The following TESK2 variants were observed in gnomAD, a reference collection of about 807,000 sequenced individuals.
TESK2 encodes the protein testis associated actin remodelling kinase 2.
Under a neutral mutation model 57.1 loss-of-function variants are expected in TESK2, and 39 were observed. The observed-to-expected ratio is 0.68, with a 90% CI of 0.53 to 0.89. The LOEUF (loss-of-function observed/expected upper bound fraction) is 0.89. TESK2 is among the 40% of genes least tolerant of loss of function. TESK2 has a pLI of 0.00. For synonymous variants in TESK2, 249 were observed against 267.9 expected, an observed-to-expected ratio of 0.93 and a Z score of 0.69; for missense variants, 646 against 732.1, an observed-to-expected ratio of 0.88 and a Z score of 1.36.
intron 4 of TESK2, among the ~76,000 whole-genome samples, chr1:45,357,196 CATAAATAAATAAATAAATAA>C (rs59019267): frequency 2.3e-4 from 32 of 141,140 alleles, no homozygotes; most frequent in South Asian, 9.4e-4. Context: ...AACTCCATCT[CATAAATAAATAAATAAATAA>C]ATAAATAAAT....
At chr1:45,483,768 T>C (rs866257244) in intron 1 of TESK2, among the ~76,000 whole-genome samples, 2 of 149,400 alleles carry the variant, frequency 1.3e-5, no homozygotes, top group African/African-American at 2.5e-5. Context: ...GAGGCTGAAA[T>C]GGGAGGAGTG....
chr1:45,468,286 G>A (rs1485249796), intron 1 of TESK2, among the ~76,000 whole-genome samples: 1 of 152,122 alleles, frequency 6.6e-6, no homozygotes, highest in East Asian at 1.9e-4. Flanking sequence ...TGAGTGGTAA[G>A]AAGTAGAGTC....
intron 2 of TESK2, among the ~76,000 whole-genome samples, chr1:45,433,721 C>T (rs1651075062): frequency 6.6e-6 from 1 of 152,084 alleles, no homozygotes. Context: ...ATATTTGCTA[C>T]TGTGAATAGT....
chr1:45,409,134 T>A (rs1213949570), intron 3 of TESK2, among the ~76,000 whole-genome samples: 1 of 152,166 alleles, frequency 6.6e-6, no homozygotes, highest in Non-Finnish European at 1.5e-5. Context: ...ACAAATACAG[T>A]GGTGAAAAAG....
rs769758182 is a variant in TESK2, at chr1:45,345,455, G to C, written c.1101C>G (p.Ser367Arg). ...GCTTACGGGAAAAGATATCTGACTG[G>C]CTTCGAGACAGCCAGATGGTACGTC... ...CPRRTIWLSR[S>R]QSDIFSRKPP... The change falls in exon 11 of 11, where the codon AGC becomes AGG. Residue 367 changes from serine to arginine, a missense_variant. Transcript: ENST00000372086. 1 of 1,614,112 alleles carries C rather than the reference G, an allele frequency of 6.2e-7. No individual in the cohort carries two copies. Among genetic ancestry groups the C allele is most frequent in the Admixed American group, 1.7e-5 (1 of 60,004 alleles).
At chr1:45,437,247 C>A (rs1651270285) in intron 2 of TESK2, among the ~76,000 whole-genome samples, 1 of 152,072 alleles carries the variant, frequency 6.6e-6, no homozygotes, top group Non-Finnish European at 1.5e-5. Context: ...TAGCGTTTTG[C>A]AGTTCTTCTT....
chr1:45,390,013 T>A (rs972406483), intron 3 of TESK2, among the ~76,000 whole-genome samples: 44 of 152,224 alleles, frequency 2.9e-4, no homozygotes, highest in African/African-American at 1.0e-3. Context: ...CTTCCCATGA[T>A]CCACTCCAAC....
chr1:45,478,886 G>A (rs1490464903), intron 1 of TESK2, among the ~76,000 whole-genome samples: 2 of 151,980 alleles, frequency 1.3e-5, no homozygotes, highest in Non-Finnish European at 2.9e-5. Flanking sequence ...ACCATGCCCA[G>A]CTAATTTTTG....
chr1:45,401,041 A>G (rs553876592), intron 3 of TESK2, among the ~76,000 whole-genome samples: 1 of 151,158 alleles, frequency 6.6e-6, no homozygotes, highest in African/African-American at 2.4e-5. Flanking sequence ...AAAAAAAAAA[A>G]AAGAAGTGAA....
At chr1:45,442,639 G>A (rs893783321) in intron 2 of TESK2, among the ~76,000 whole-genome samples, 2 of 152,198 alleles carry the variant, frequency 1.3e-5, no homozygotes, top group Admixed American at 6.5e-5. Context: ...CGCTGCAGCT[G>A]AAAAGCTTTT....
At chr1:45,415,362 T>C in intron 3 of TESK2, 1 of 981,924 alleles carries the variant, frequency 1.0e-6, no homozygotes, top group Admixed American at 1.7e-5. Flanking sequence ...GACTTGTGTT[T>C]TATTTTAACC....
chr1:45,462,671 G>T (rs1207840858), intron 1 of TESK2, among the ~76,000 whole-genome samples: 1 of 152,076 alleles, frequency 6.6e-6, no homozygotes, highest in Admixed American at 6.6e-5. Flanking sequence ...TCCAAATCTT[G>T]GCTATTGTAA....
rs372388070 is a variant in TESK2 at position 45,421,786 on chromosome 1, G to A, written c.283C>T (p.Arg95Trp). 479 of 1,613,878 alleles carry A rather than the reference G, an allele frequency of 3.0e-4. 1 individual carries two copies. Among genetic ancestry groups the A allele is most frequent in the Non-Finnish European group, 3.9e-4 (457 of 1,179,978 alleles). Reference protein sequence around the residue: ...ALKMNTLSSNRANMLKEVQLM... With the variant: ...ALKMNTLSSNWANMLKEVQLM... The stretch of plus-strand genomic sequence containing the variant: ...TGTACTTCTTTCAGCATGTTTGCCC[G>A]GTTACTGCTCAATGTGTTCATCTTA... Residue 95 changes from arginine (R) to tryptophan (W), a missense_variant, in exon 3 of 11, where the codon CGG becomes TGG. Physicochemically the swap from Arg to Trp is moderately radical, Grantham distance 101. Coordinates refer to ENST00000372086, the MANE Select transcript of TESK2 (RefSeq NM_007170.3).
chr1:45,456,834 T>G (rs987201532), intron 2 of TESK2, among the ~76,000 whole-genome samples: 10 of 152,182 alleles, frequency 6.6e-5, no homozygotes, highest in African/African-American at 4.8e-5. Flanking sequence ...CTGCAGAAGT[T>G]CTCTTCTGCT....
At chr1:45,356,863 G>A (rs1029531693) in intron 4 of TESK2, among the ~76,000 whole-genome samples, 9 of 152,100 alleles carry the variant, frequency 5.9e-5, no homozygotes, top group Non-Finnish European at 7.3e-5. Context: ...GAATCCCAAG[G>A]AACAGGCAAG....
Position 45,424,533 on chromosome 1 carries a change from T to C in TESK2, c.223-2687A>G, listed in dbSNP as rs905933830. Among the ~76,000 whole-genome samples the C allele has an allele frequency of 1.4e-4, 22 of 152,216 alleles. 1 individual carries two copies. ...CCATTTCAGATCCTGCATGGATAAG[T>C]TAAAAGAAACATTTATAAACAAAGA... On this transcript the variant is annotated intron_variant, in intron 2 of 10. Coordinates refer to ENST00000372086, the MANE Select transcript of TESK2 (RefSeq NM_007170.3).
intron 3 of TESK2, among the ~76,000 whole-genome samples, chr1:45,416,296 A>T (rs909344990): frequency 6.6e-6 from 1 of 151,248 alleles, no homozygotes. Context: ...TACAAAAACC[A>T]TGTTTTCTCT....
At chr1:45,364,472 C>T (rs1486101351) in intron 4 of TESK2, among the ~76,000 whole-genome samples, 1 of 152,238 alleles carries the variant, frequency 6.6e-6, no homozygotes, top group African/African-American at 2.4e-5. Context: ...TCAGAGAGAA[C>T]AAGGCCCTAC....
intron 3 of TESK2, among the ~76,000 whole-genome samples, chr1:45,398,024 C>T (rs112497365): frequency 3.3e-5 from 5 of 152,126 alleles, no homozygotes; most frequent in Admixed American, 6.5e-5. Flanking sequence ...CCTCCCACCT[C>T]GGCCTCCAAA....
Sources: gnomAD v4.1 joint callset for allele counts (sites outside exome capture counted in the v4.1 genomes callset) on GRCh38, gnomAD v4.1.1 for gene constraint, MANE v1.5 for transcripts, NCBI Gene and HGNC (gene_info 2026-07-23, HGNC 2026-07-21) for gene names.